The following CSMD1 variants were observed in gnomAD, a reference collection of about 807,000 sequenced individuals.
CSMD1 encodes CUB and sushi domain-containing protein 1.
In CSMD1, 213 loss-of-function variants were observed where a neutral mutation model predicts 417.5. That is an observed-to-expected ratio of 0.51 (90% CI 0.46 to 0.57). The LOEUF is 0.57. Among genes scored for constraint, CSMD1 ranks in the 20% least tolerant of loss-of-function variants. The pLI is 0.00. For missense variants in CSMD1, 6,923 were observed against 4,529.7 expected (o/e 1.53, Z -15.17); for synonymous variants, 2,862 against 1,736.8 (o/e 1.65, Z -16.11).
chr8:4,272,384 A>G (rs1262870644), intron 3 of CSMD1, among the ~76,000 whole-genome samples: 1 of 152,182 alleles, frequency 6.6e-6, no homozygotes, highest in Non-Finnish European at 1.5e-5. Context: ...CTGAAGTCTC[A>G]GTTTCCAAGA....
In CSMD1 at chr8:3,313,389, G is replaced by C. The variant is rs536369359; in HGVS notation, c.3632-4886C>G. 5.9e-5 allele frequency among the ~76,000 whole-genome samples: 9 copies of C among 152,156 alleles called. No individual in the cohort carries two copies. In the South Asian group the frequency reaches 1.5e-3, roughly 25 times the overall value. ...TACTCATCTGACAAAGGGCTAATAT[G>C]CACAATCTACAATGAACTCAAATTT... On this transcript the variant is annotated intron_variant, in intron 23 of 69. Transcript: ENST00000635120.
chr8:3,447,358 G>C (rs187966762), intron 12 of CSMD1, among the ~76,000 whole-genome samples: 1 of 152,076 alleles, frequency 6.6e-6, no homozygotes, highest in East Asian at 1.9e-4. Flanking sequence ...CAGAAAAAGG[G>C]AAAGGAATGA....
chr8:3,562,403 C>CGT (rs1799507510), intron 10 of CSMD1, among the ~76,000 whole-genome samples: 2 of 142,874 alleles, frequency 1.4e-5, no homozygotes, highest in Non-Finnish European at 1.6e-5. Flanking sequence ...CACATGCATA[C>CGT]ACACACATGC....
At chr8:3,565,219 T>TAGAC (rs1554471770) in intron 10 of CSMD1, among the ~76,000 whole-genome samples, 6 of 138,828 alleles carry the variant, frequency 4.3e-5, no homozygotes, top group Non-Finnish European at 3.1e-5. Flanking sequence ...GATAGAGAGA[T>TAGAC]AGACAGATAG....
chr8:3,791,315 T>A (rs1167146722), intron 5 of CSMD1, among the ~76,000 whole-genome samples: 1 of 152,182 alleles, frequency 6.6e-6, no homozygotes, highest in East Asian at 1.9e-4. Flanking sequence ...TATCTGAATT[T>A]AAGTATAGTA....
At chr8:3,146,281 A>C (rs1350979131) in intron 40 of CSMD1, among the ~76,000 whole-genome samples, 1 of 152,076 alleles carries the variant, frequency 6.6e-6, no homozygotes, top group African/African-American at 2.4e-5. Context: ...CGAAATCCTG[A>C]GTTGGTTGAG....
Position 4,444,971 on chromosome 8 carries a change from G to C in CSMD1, c.303-24906C>G, listed in dbSNP as rs188595742. 9.2e-5 allele frequency among the ~76,000 whole-genome samples: 14 copies of C among 152,266 alleles called. No individual in the cohort carries two copies. The East Asian group carries it at 2.5e-3, about 27-fold the overall frequency. On this transcript the variant is annotated intron_variant, in intron 2 of 69. Transcript: ENST00000635120. ...ACTGGGAAATCTCCACTGTGTTAAA[G>C]AAATGTTATTTCCCTTCTCTTGCAT...
chr8:4,411,930 T>A (rs1294567372), intron 3 of CSMD1, among the ~76,000 whole-genome samples: 8 of 152,150 alleles, frequency 5.3e-5, no homozygotes, highest in Non-Finnish European at 8.8e-5. Flanking sequence ...AAAGGAATTA[T>A]TTTTAATAGT....
chr8:4,751,300 G>A (rs989737836), intron 1 of CSMD1, among the ~76,000 whole-genome samples: 3 of 152,012 alleles, frequency 2.0e-5, no homozygotes, highest in Non-Finnish European at 4.4e-5. Flanking sequence ...CAGGAGAATC[G>A]CTTGAACCCA....
At chr8:4,123,327 G>T (rs2194605) in intron 3 of CSMD1, among the ~76,000 whole-genome samples, 150,704 of 152,350 alleles carry the variant, frequency 0.99, 74,563 homozygotes, top group East Asian at 1. Context: ...GCAGATGCAT[G>T]CCAATTAGTA....
intron 2 of CSMD1, among the ~76,000 whole-genome samples, chr8:4,531,473 GT>G (rs1796814996): frequency 6.6e-6 from 1 of 152,090 alleles, no homozygotes; most frequent in Non-Finnish European, 1.5e-5. Flanking sequence ...ATGTGGCTTT[GT>G]TTTTGTCATC....
intron 54 of CSMD1, among the ~76,000 whole-genome samples, chr8:2,980,973 C>T (rs1378730082): frequency 2.6e-5 from 4 of 152,186 alleles, no homozygotes; most frequent in African/African-American, 2.4e-5. Flanking sequence ...ATGGAAGAAG[C>T]ATGGATACAA....
At chr8:4,926,194 T>C (rs1447864159) in intron 1 of CSMD1, among the ~76,000 whole-genome samples, 1 of 152,184 alleles carries the variant, frequency 6.6e-6, no homozygotes, top group East Asian at 1.9e-4. Flanking sequence ...AATATTCAAA[T>C]TGCAGGGTAA....
Position 3,833,793 on chromosome 8 carries a change from G to C in CSMD1, c.819-79751C>G, listed in dbSNP as rs568923964. Among the ~76,000 whole-genome samples the C allele has an allele frequency of 1.2e-3, 190 of 152,066 alleles. 1 individual carries two copies. The highest frequency in any genetic ancestry group is 2.3e-3 in the Non-Finnish European group (158 of 67,994). ...CTCTTCTCTTGGTAAACTTGGAAAA[G>C]AGAGGCTCATTAAAGATAAAACAAA... On this transcript the variant is annotated intron_variant, in intron 5 of 69. Transcript: ENST00000635120.
At chr8:2,967,127 A>T (rs549925310) in intron 57 of CSMD1, among the ~76,000 whole-genome samples, 1 of 152,216 alleles carries the variant, frequency 6.6e-6, no homozygotes, top group Admixed American at 6.5e-5. Context: ...AAAAAAGAAT[A>T]TCTATGATAT....
intron 4 of CSMD1, among the ~76,000 whole-genome samples, chr8:4,002,987 CTGTT>C (rs1815812167): frequency 6.6e-6 from 1 of 151,592 alleles, no homozygotes; most frequent in Non-Finnish European, 1.5e-5. Context: ...ACCAATCTAC[CTGTT>C]TAATTTTTTC....
At chr8:4,478,732 T>C (rs1394542636) in intron 2 of CSMD1, among the ~76,000 whole-genome samples, 1 of 152,222 alleles carries the variant, frequency 6.6e-6, no homozygotes, top group African/African-American at 2.4e-5. Flanking sequence ...AAATGCACAC[T>C]TTTTCCTTAG....
chr8:4,064,402 GA>G (rs1253744421), intron 3 of CSMD1, among the ~76,000 whole-genome samples: 4 of 151,978 alleles, frequency 2.6e-5, no homozygotes, highest in African/African-American at 9.7e-5. Context: ...TCAATGTTGA[GA>G]AGGTAGAGAA....
chr8:4,584,321 C>G lies in CSMD1; in HGVS notation c.302+53021G>C, dbSNP rs2617072. ...GAGTGGTGAGACCGTCGCCTATCGC[C>G]GAGTAGTGAGACAATCGCCAATCGC... On this transcript the variant is annotated intron_variant, in intron 2 of 69. Coordinates refer to ENST00000635120, the MANE Select transcript of CSMD1 (RefSeq NM_033225.6). 4.0e-5 allele frequency among the ~76,000 whole-genome samples: 6 copies of G among 151,658 alleles called. No homozygotes were observed. The South Asian group carries it at 6.2e-4, about 16-fold the overall frequency.
Sources: gnomAD v4.1 joint callset for allele counts (sites outside exome capture counted in the v4.1 genomes callset) on GRCh38, gnomAD v4.1.1 for gene constraint, MANE v1.5 for transcripts, NCBI Gene and HGNC (gene_info 2026-07-23, HGNC 2026-07-21) for gene names.